Variants in TEX11 observed in about 807,000 individuals in gnomAD.
TEX11 encodes the protein testis expressed 11, also known as testis-expressed protein 11.
Under a neutral mutation model 84.4 loss-of-function variants are expected in TEX11, and 7 were observed. The observed-to-expected ratio is 0.08, with a 90% CI of 0.05 to 0.16. TEX11 has a LOEUF of 0.16. Ranked by LOEUF, TEX11 falls within the 10% of genes least tolerant of loss-of-function variation. The pLI, the probability that TEX11 is intolerant of heterozygous loss-of-function variation, is 1.00. For synonymous variants in TEX11, 264 were observed against 222.8 expected (o/e 1.18, Z -1.64); for missense variants, 551 against 660.5 (o/e 0.83, Z 1.82).
intron 9 of TEX11, among the ~76,000 whole-genome samples, chrX:70,783,507 A>T (rs1278807024): frequency 8.9e-6 from 1 of 111,784 alleles, no homozygotes; most frequent in African/African-American, 3.3e-5. Context: ...GAGACACAAA[A>T]ATCCCTTCAA....
At chrX:70,611,034 G>A (rs1036704149) in intron 20 of TEX11, among the ~76,000 whole-genome samples, 1 of 112,103 alleles carries the variant, frequency 8.9e-6, no homozygotes, top group South Asian at 3.7e-4. Flanking sequence ...AAATTTCCAC[G>A]GTTCTAAGGA....
chrX:70,769,800 G>T (rs1411645901), intron 9 of TEX11, among the ~76,000 whole-genome samples: 4 of 110,991 alleles, frequency 3.6e-5, no homozygotes, highest in African/African-American at 1.3e-4. Context: ...ATTATTTTCC[G>T]TATTGAAAAT....
chrX:70,699,867 C>G (rs906248683), intron 13 of TEX11, among the ~76,000 whole-genome samples: 1 of 110,342 alleles, frequency 9.1e-6, no homozygotes, highest in African/African-American at 3.3e-5. Flanking sequence ...AGAAGGCTGA[C>G]AATTTAATTT....
chrX:70,741,696 T>G (rs1026755732), intron 10 of TEX11, among the ~76,000 whole-genome samples: 2 of 111,028 alleles, frequency 1.8e-5, no homozygotes, highest in African/African-American at 6.5e-5. Flanking sequence ...CAAGCTTGTA[T>G]CCTATCTTCC....
chrX:70,863,293 C>G (rs1308749351), intron 4 of TEX11, among the ~76,000 whole-genome samples: 1 of 111,867 alleles, frequency 8.9e-6, no homozygotes, highest in Non-Finnish European at 1.9e-5. Flanking sequence ...GACCTCCCAA[C>G]AGGGGTCGAG....
chrX:70,710,162 AC>A (rs1239893749), intron 13 of TEX11, among the ~76,000 whole-genome samples: 2 of 111,685 alleles, frequency 1.8e-5, no homozygotes, highest in African/African-American at 3.2e-5. Flanking sequence ...ACCAATAACA[AC>A]ATAAATGACA....
Position 70,730,680 on chromosome X carries a change from G to T in TEX11, c.844-5337C>A, listed in dbSNP as rs1427562239. Among the ~76,000 whole-genome samples, 18 of 111,271 alleles carry T rather than the reference G, an allele frequency of 1.6e-4. No homozygotes were observed. In the East Asian group the frequency reaches 2.2e-3, roughly 14 times the overall value. On this transcript the variant is annotated intron_variant, in intron 11 of 29. Coordinates refer to ENST00000374333, the MANE Select transcript of TEX11 (RefSeq NM_031276.3). Reference sequence around the variant, plus strand: ...AGTCCTTAGAGACCTACAAAGAGACGTAGACTCCCACACAATAATAATGGG... The same window carrying T: ...AGTCCTTAGAGACCTACAAAGAGACTTAGACTCCCACACAATAATAATGGG...
chrX:70,702,245 C>T (rs2090331695), intron 13 of TEX11, among the ~76,000 whole-genome samples: 2 of 111,414 alleles, frequency 1.8e-5, no homozygotes, highest in African/African-American at 6.5e-5. Flanking sequence ...TAAGCAATTG[C>T]CATAGCCACC....
At chrX:70,692,963 G>A (rs2147671397) in intron 13 of TEX11, among the ~76,000 whole-genome samples, 1 of 111,611 alleles carries the variant, frequency 9.0e-6, no homozygotes, top group African/African-American at 3.3e-5. Flanking sequence ...TCCAACTTCT[G>A]GCAGGGTGCA....
chrX:70,575,332 T>A (rs909425801), intron 25 of TEX11, among the ~76,000 whole-genome samples: 6 of 111,419 alleles, frequency 5.4e-5, no homozygotes, highest in Admixed American at 9.6e-5. Flanking sequence ...TTTGAATGTG[T>A]CCCCTCCAAA....
downstream of TEX11, among the ~76,000 whole-genome samples, chrX:70,525,831 C>T (rs1434846922): frequency 8.9e-6 from 1 of 112,285 alleles, no homozygotes; most frequent in Non-Finnish European, 1.9e-5. Flanking sequence ...CATGAGCCGA[C>T]TTCTCAAAGA....
At chrX:70,797,857 C>T (rs1418194391) in intron 9 of TEX11, among the ~76,000 whole-genome samples, 2 of 96,483 alleles carry the variant, frequency 2.1e-5, no homozygotes, top group African/African-American at 7.7e-5. Context: ...GAATGTACCT[C>T]ATCATAATAA....
At chrX:70,836,739 G>A (rs761762876) in intron 7 of TEX11, among the ~76,000 whole-genome samples, 45 of 112,282 alleles carry the variant, frequency 4.0e-4, no homozygotes, top group South Asian at 1.1e-3. Flanking sequence ...AATGGTGGCC[G>A]GGTGCAGTGG....
intron 15 of TEX11, among the ~76,000 whole-genome samples, chrX:70,675,003 T>C (rs747711542): frequency 8.9e-6 from 1 of 111,790 alleles, no homozygotes; most frequent in East Asian, 2.8e-4. Flanking sequence ...ATAGTATACA[T>C]GTTTAACTTA....
At chrX:70,551,282 T>A (rs1040527317) in intron 28 of TEX11, among the ~76,000 whole-genome samples, 35 of 111,047 alleles carry the variant, frequency 3.2e-4, no homozygotes, top group Non-Finnish European at 2.1e-4. Flanking sequence ...GTGGAAATGG[T>A]TAATAGGTAC....
intron 25 of TEX11, among the ~76,000 whole-genome samples, chrX:70,557,515 T>A (rs778842506): frequency 3.6e-5 from 4 of 110,368 alleles, no homozygotes; most frequent in Non-Finnish European, 7.6e-5. Context: ...ACGTTTATAG[T>A]TTTTAGTGTA....
chrX:70,613,520 TG>T (rs35102482), intron 20 of TEX11, among the ~76,000 whole-genome samples: 1 of 112,010 alleles, frequency 8.9e-6, no homozygotes, highest in Non-Finnish European at 1.9e-5. Context: ...CTGTAGCAAG[TG>T]GGGAATCTCC....
intron 9 of TEX11, among the ~76,000 whole-genome samples, chrX:70,774,273 TA>T (rs1309488102): frequency 0.013 from 770 of 58,154 alleles, 8 homozygotes; most frequent in African/African-American, 0.043. Context: ...GCTAACATCA[TA>T]AAAAAAAAAA....
At chrX:70,897,667 A>AAGGAAGGAAGGAAG (rs2091778231) in intron 2 of TEX11, 8 of 62,293 alleles carry the variant, frequency 1.3e-4, no homozygotes, top group African/African-American at 4.2e-4. Context: ...AAGGAAGGAA[A>AAGGAAGGAAGGAAG]ACAAAGAAAG....
Sources: gnomAD v4.1 joint callset for allele counts (sites outside exome capture counted in the v4.1 genomes callset) on GRCh38, gnomAD v4.1.1 for gene constraint, MANE v1.5 for transcripts, NCBI Gene and HGNC (gene_info 2026-07-23, HGNC 2026-07-21) for gene names.